UNC13C: variants seen among roughly 807,000 people sequenced by gnomAD.
UNC13C encodes protein unc-13 homolog C.
A neutral mutation model predicts 245.4 loss-of-function variants in UNC13C; 174 were observed. That is an observed-to-expected ratio of 0.71 (90% CI 0.63 to 0.80). UNC13C has a LOEUF of 0.80. Ranked by LOEUF, UNC13C falls within the 30% of genes least tolerant of loss-of-function variation. UNC13C has a pLI of 0.00. For missense variants in UNC13C, 2,829 were observed against 2,602.9 expected (o/e 1.09, Z -1.89); for synonymous variants, 992 against 895.1 (o/e 1.11, Z -1.93).
intron 10 of UNC13C, among the ~76,000 whole-genome samples, chr15:54,278,083 G>A (rs572000584): frequency 5.9e-5 from 9 of 152,052 alleles, no homozygotes; most frequent in Non-Finnish European, 1.3e-4. Flanking sequence ...GCTCTCTACC[G>A]ACCTAACTTT....
At position 54,378,775 on chromosome 15, in the gene UNC13C, T is replaced by C. The variant is rs1003786621; in HGVS notation, c.4714-14273T>C. On this transcript the variant is annotated intron_variant, in intron 17 of 32. Coordinates refer to ENST00000260323, the MANE Select transcript of UNC13C (RefSeq NM_001080534.3). ...CTATTTTTCTATTATAACGTGCTGT[T>C]AAATAATTTATATATTTAAAATTCC... is the stretch of plus-strand genomic sequence containing the variant. Among the ~76,000 whole-genome samples, 19 of 152,102 alleles carry C rather than the reference T, an allele frequency of 1.2e-4. No homozygotes were observed. In the South Asian group the frequency reaches 2.5e-3, roughly 20 times the overall value.
At chr15:54,120,097 T>C (rs1391757258) in intron 2 of UNC13C, among the ~76,000 whole-genome samples, 1 of 152,190 alleles carries the variant, frequency 6.6e-6, no homozygotes, top group African/African-American at 2.4e-5. Flanking sequence ...TGAAGGTGAC[T>C]ACACTAAACA....
chr15:54,377,378 C>T (rs531003888), intron 17 of UNC13C, among the ~76,000 whole-genome samples: 5 of 152,166 alleles, frequency 3.3e-5, no homozygotes, highest in Non-Finnish European at 7.4e-5. Flanking sequence ...TGAAACTATC[C>T]TTAACCCTCC....
At chr15:54,262,346 A>G (rs746486287) in intron 8 of UNC13C, among the ~76,000 whole-genome samples, 27 of 152,216 alleles carry the variant, frequency 1.8e-4, no homozygotes, top group Non-Finnish European at 4.0e-4. Flanking sequence ...TCTAACCTTT[A>G]GGACATTCCT....
intron 25 of UNC13C, among the ~76,000 whole-genome samples, chr15:54,526,927 T>C (rs1895495328): frequency 6.6e-6 from 1 of 152,086 alleles, no homozygotes; most frequent in African/African-American, 2.4e-5. Flanking sequence ...TTCTTAGATG[T>C]AGGAATAAAG....
chr15:54,334,296 G>A (rs2038517298), intron 16 of UNC13C, among the ~76,000 whole-genome samples: 1 of 152,078 alleles, frequency 6.6e-6, no homozygotes, highest in East Asian at 1.9e-4. Flanking sequence ...TGTCTGTGTA[G>A]GAATATATTT....
intron 19 of UNC13C, among the ~76,000 whole-genome samples, chr15:54,458,781 T>C (rs1247763381): frequency 1.3e-5 from 2 of 150,782 alleles, no homozygotes; most frequent in Non-Finnish European, 3.0e-5. Context: ...CTTAAGTTTA[T>C]GTGTATCCTT....
At position 54,078,772 on chromosome 15, in the gene UNC13C, C is replaced by T. The variant is rs1351547375; in HGVS notation, c.2983+62886C>T. ...CAAATACTTTCTCCTATTCTGTAGGCTGCTTCCTCTGTTAATTGTTTCTTT... is the reference window on the plus strand; with the variant it reads ...CAAATACTTTCTCCTATTCTGTAGGTTGCTTCCTCTGTTAATTGTTTCTTT... On this transcript the variant is annotated intron_variant, in intron 2 of 32. Transcript: ENST00000260323. Among the ~76,000 whole-genome samples the T allele has an allele frequency of 2.0e-5, 3 of 152,042 alleles. No homozygotes were observed. In the East Asian group the frequency reaches 5.8e-4, roughly 29 times the overall value.
At chr15:54,251,037 C>A (rs985994983) in intron 8 of UNC13C, among the ~76,000 whole-genome samples, 1 of 152,080 alleles carries the variant, frequency 6.6e-6, no homozygotes, top group African/African-American at 2.4e-5. Flanking sequence ...ATTACATAGG[C>A]GTGAGCCACC....
At chr15:54,378,599 C>T (rs1234075034) in intron 17 of UNC13C, among the ~76,000 whole-genome samples, 2 of 151,120 alleles carry the variant, frequency 1.3e-5, no homozygotes, top group African/African-American at 4.9e-5. Context: ...CTTGCTATAA[C>T]TATCAGAAAT....
intron 2 of UNC13C, among the ~76,000 whole-genome samples, chr15:54,103,193 C>G (rs1900255718): frequency 6.6e-6 from 1 of 152,198 alleles, no homozygotes; most frequent in Non-Finnish European, 1.5e-5. Context: ...CACACACACT[C>G]TCTCACAGTA....
At chr15:54,333,380 A>G (rs2038491625) in intron 15 of UNC13C, among the ~76,000 whole-genome samples, 1 of 152,014 alleles carries the variant, frequency 6.6e-6, no homozygotes, top group African/African-American at 2.4e-5. Context: ...ATAATTTCCG[A>G]AGTATTTTTT....
intron 20 of UNC13C, among the ~76,000 whole-genome samples, chr15:54,497,318 C>T (rs1336289688): frequency 6.6e-6 from 1 of 152,088 alleles, no homozygotes; most frequent in African/African-American, 2.4e-5. Context: ...TTTTCACCCC[C>T]ATACATCTGC....
intron 2 of UNC13C, among the ~76,000 whole-genome samples, chr15:54,021,713 G>A (rs1180200112): frequency 2.0e-5 from 3 of 152,156 alleles, no homozygotes; most frequent in Non-Finnish European, 2.9e-5. Context: ...CCTGAGATGC[G>A]TAATGACACT....
intron 11 of UNC13C, 133 bp from the exon 12 acceptor site, chr15:54,297,678 C>T (rs1427829584): frequency 4.4e-6 from 3 of 689,256 alleles, no homozygotes; most frequent in East Asian, 5.4e-5. Flanking sequence ...TAATAAGCAG[C>T]TCTGACTCAG....
chr15:54,621,566 A>C (rs892793156), intron 30 of UNC13C, among the ~76,000 whole-genome samples: 1 of 152,224 alleles, frequency 6.6e-6, no homozygotes, highest in Admixed American at 6.5e-5. Context: ...CCTGGTAACA[A>C]ATAGCTAGAG....
At position 54,446,851 on chromosome 15, in the gene UNC13C, G is replaced by A. The variant is rs955696663; in HGVS notation, c.4933+31784G>A. Among the ~76,000 whole-genome samples the A allele has an allele frequency of 1.4e-4, 21 of 152,260 alleles. 1 individual carries two copies. Among genetic ancestry groups the A allele is most frequent in the Admixed American group, 9.2e-4 (14 of 15,292 alleles). The stretch of plus-strand genomic sequence containing the variant: ...TGTTGAATAGGAGTGGTGAGAGAGG[G>A]CATCCCTGTCTTGTGCCAGTTTTCA... On this transcript the variant is annotated intron_variant, in intron 19 of 32. Transcript: ENST00000260323.
At chr15:54,191,475 AG>A (rs1567083841) in intron 4 of UNC13C, among the ~76,000 whole-genome samples, 2 of 152,096 alleles carry the variant, frequency 1.3e-5, no homozygotes, top group African/African-American at 4.8e-5. Flanking sequence ...GTTCGTTCCA[AG>A]TCTTTGCTAT....
chr15:54,612,755 C>G (rs1216382076), intron 30 of UNC13C, among the ~76,000 whole-genome samples: 1 of 151,866 alleles, frequency 6.6e-6, no homozygotes, highest in Non-Finnish European at 1.5e-5. Context: ...TTTAAAGCTA[C>G]CCTCCAAATA....
Sources: allele counts gnomAD v4.1 joint callset (sites outside exome capture counted in the v4.1 genomes callset), GRCh38; gene constraint gnomAD v4.1.1; transcripts MANE v1.5; gene names NCBI Gene and HGNC (gene_info 2026-07-23, HGNC 2026-07-21).